Variants in LCP2 observed in about 807,000 individuals in gnomAD.
LCP2 encodes the protein 76 kDa tyrosine phosphoprotein.
Under a neutral mutation model 74.5 loss-of-function variants are expected in LCP2, and 29 were observed. The observed-to-expected ratio is 0.39, with a 90% CI of 0.29 to 0.53. LCP2 has a LOEUF of 0.53. LCP2 is among the 20% of genes least tolerant of loss of function. LCP2 has a pLI of 0.72. For missense variants in LCP2, 604 were observed against 634.6 expected, an observed-to-expected ratio of 0.95 and a Z score of 0.52; for synonymous variants, 228 against 229.5, an observed-to-expected ratio of 0.99 and a Z score of 0.06.
chr5:170,274,197 A>G (rs965890447), intron 6 of LCP2, 104 bp downstream of exon 6: 1 of 1,210,828 alleles, frequency 8.3e-7, no homozygotes, highest in Non-Finnish European at 1.2e-6. Context: ...GTGTGCTGGC[A>G]TCATGTTAGA....
intron 1 of LCP2, 71 bp downstream of exon 1, chr5:170,297,463 C>CA (rs1250816836): frequency 7.3e-7 from 1 of 1,370,994 alleles, no homozygotes; most frequent in African/African-American, 1.4e-5. Flanking sequence ...GCCCCAATTC[C>CA]ATCGTCAAGC....
chr5:170,278,736 A>G (rs1762053416), intron 3 of LCP2, among the ~76,000 whole-genome samples: 2 of 152,050 alleles, frequency 1.3e-5, no homozygotes. Context: ...CAGTATCTCT[A>G]GCAGCCAGGC....
intron 17 of LCP2, among the ~76,000 whole-genome samples, chr5:170,254,700 T>C (rs1455083318): frequency 1.3e-5 from 2 of 152,188 alleles, no homozygotes; most frequent in Non-Finnish European, 2.9e-5. Context: ...GCATGGCCAT[T>C]CTACAGTTAA....
intron 6 of LCP2, among the ~76,000 whole-genome samples, chr5:170,273,061 A>C (rs1416489173): frequency 6.7e-6 from 1 of 148,642 alleles, no homozygotes. Flanking sequence ...AAAAAATTGC[A>C]TTGTGCCTCA....
chr5:170,251,343 A>G (rs527669140), intron 19 of LCP2: 5 of 198,428 alleles, frequency 2.5e-5, no homozygotes, highest in Non-Finnish European at 4.2e-5. Context: ...CCCTTCTTAA[A>G]ACCCTGTGAT....
rs376457939 is a variant in LCP2 at position 170,287,166 on chromosome 5, C to A, written c.188+804G>T. Among the ~76,000 whole-genome samples, 58 of 152,334 alleles carry A rather than the reference C, an allele frequency of 3.8e-4. No homozygotes were observed. In the East Asian group the frequency reaches 0.011, roughly 28 times the overall value. On this transcript the variant is annotated intron_variant, in intron 3 of 20. Coordinates refer to ENST00000046794, the MANE Select transcript of LCP2 (RefSeq NM_005565.5). ...CCACCATTCTCTATTGCTTCACCAA[C>A]AATGAGGCTTTGCGATGGCTACTTT... is the stretch of plus-strand genomic sequence containing the variant.
chr5:170,258,315 G>T, intron 15 of LCP2, 149 bp from the exon 16 acceptor site: 2 of 742,134 alleles, frequency 2.7e-6, no homozygotes, highest in Non-Finnish European at 4.3e-6. Flanking sequence ...GTAGTAGGAT[G>T]GAACCTTGCT....
chr5:170,262,543 G>T, intron 13 of LCP2, 92 bp downstream of exon 13: 1 of 902,552 alleles, frequency 1.1e-6, no homozygotes, highest in Non-Finnish European at 1.7e-6. Context: ...CGGGAGCACC[G>T]AGGAGCCTCG....
chr5:170,254,349 T>G (rs1761511822), intron 17 of LCP2, among the ~76,000 whole-genome samples: 1 of 152,126 alleles, frequency 6.6e-6, no homozygotes. Flanking sequence ...ACACCACGGA[T>G]TGTCACTACG....
intron 6 of LCP2, among the ~76,000 whole-genome samples, chr5:170,272,592 A>ATTTTTTTTTTTTTTT (rs1761913090): frequency 2.9e-5 from 1 of 34,310 alleles, no homozygotes; most frequent in Admixed American, 4.2e-4. Flanking sequence ...CCCATCAAAT[A>ATTTTTTTTTTTTTTT]TTTTCTTTTT....
chr5:170,248,941 AAAATGT>A, intron 20 of LCP2, 122 bp from the exon 21 acceptor site: 1 of 968,816 alleles, frequency 1.0e-6, no homozygotes, highest in Non-Finnish European at 1.5e-6. Flanking sequence ...GTGGGGGGAA[AAAATGT>A]AAATGTGGCA....
chr5:170,274,517 G>C (rs1048477926), intron 5 of LCP2, among the ~76,000 whole-genome samples, 179 bp from the exon 6 acceptor site: 2 of 152,138 alleles, frequency 1.3e-5, no homozygotes, highest in African/African-American at 4.8e-5. Context: ...CCCTGCCCAA[G>C]GTGCTCATTC....
chr5:170,250,354 A>T (rs1761407382), intron 20 of LCP2, among the ~76,000 whole-genome samples: 1 of 152,154 alleles, frequency 6.6e-6, no homozygotes, highest in African/African-American at 2.4e-5. Context: ...AAATATTCTA[A>T]TTTTTCCCCT....
chr5:170,282,256 T>G (rs1454925853), intron 3 of LCP2, among the ~76,000 whole-genome samples: 1 of 152,252 alleles, frequency 6.6e-6, no homozygotes, highest in Non-Finnish European at 1.5e-5. Context: ...TTTGGTTTTC[T>G]GTACATGAAC....
intron 2 of LCP2, 37 bp from the exon 3 acceptor site, chr5:170,288,053 C>A: frequency 1.9e-6 from 3 of 1,599,972 alleles, no homozygotes; most frequent in Non-Finnish European, 2.6e-6. Flanking sequence ...AGGTTACAAC[C>A]CACAGAAAGG....
At chr5:170,285,876 C>A (rs1157107347) in intron 3 of LCP2, among the ~76,000 whole-genome samples, 1 of 152,176 alleles carries the variant, frequency 6.6e-6, no homozygotes, top group Non-Finnish European at 1.5e-5. Context: ...GAACTCTAGG[C>A]TCCTGGACTC....
chr5:170,262,860 G>T lies in LCP2; in HGVS notation c.800C>A (p.Pro267His). The stretch of plus-strand genomic sequence containing the variant: ...GTCTTACCTTCCCGCTGGAATCGAG[G>T]GCTGCAAGACAGGAGGAAAAATGTA... ...LGKKPPFSDK[P>H]SIPAGRSLGE... Residue 267 changes from proline (P) to histidine (H), a missense_variant and splice_region_variant, in exon 12 of 21, where the codon CCC (proline) becomes CAC (histidine). Transcript: ENST00000046794. 6.2e-7 allele frequency: 1 copy of T among 1,614,002 alleles called. No individual in the cohort carries two copies. Among genetic ancestry groups the T allele is most frequent in the East Asian group, 2.2e-5 (1 of 44,888 alleles).
intron 5 of LCP2, 21 bp downstream of exon 5, chr5:170,275,299 T>C (rs753415801): frequency 1.2e-6 from 2 of 1,613,858 alleles, no homozygotes; most frequent in South Asian, 2.2e-5. Flanking sequence ...AGCAATCACC[T>C]CTGAGCCCTG....
At chr5:170,279,963 G>GGA (rs1336784849) in intron 3 of LCP2, among the ~76,000 whole-genome samples, 4 of 151,896 alleles carry the variant, frequency 2.6e-5, no homozygotes, top group African/African-American at 9.7e-5. Flanking sequence ...GGAAAAGGAG[G>GGA]GAGAGAGAGA....
Sources: gnomAD v4.1 joint callset for allele counts (sites outside exome capture counted in the v4.1 genomes callset) on GRCh38, gnomAD v4.1.1 for gene constraint, MANE v1.5 for transcripts, NCBI Gene and HGNC (gene_info 2026-07-23, HGNC 2026-07-21) for gene names.